Variants in S100Z observed in about 807,000 individuals in gnomAD.
S100Z encodes S100 calcium binding protein Z, also known as protein S100-Z.
Under a neutral mutation model 8.5 loss-of-function variants are expected in S100Z, and 11 were observed. The ratio of observed to expected loss-of-function variants is 1.30; its 90% CI spans 0.82 to 2.15. The LOEUF (loss-of-function observed/expected upper bound fraction) is 2.15, where lower values mean the gene tolerates loss of function less well. S100Z is among the 30% of genes most tolerant of loss of function. The pLI is 0.00. For missense variants in S100Z, 126 were observed against 117.9 expected (o/e 1.07, Z -0.32); for synonymous variants, 34 against 43.8 (o/e 0.78, Z 0.89).
the S100Z span, among the ~76,000 whole-genome samples, chr5:76,939,521 T>TC: frequency 6.6e-6 from 1 of 150,884 alleles, no homozygotes; most frequent in African/African-American, 2.4e-5. Context: ...GTTTAACTTT[T>TC]TTTTTTTTTT....
intron 4 of S100Z, among the ~76,000 whole-genome samples, chr5:76,885,272 T>C (rs531696367): frequency 6.6e-6 from 1 of 151,552 alleles, no homozygotes; most frequent in African/African-American, 2.4e-5. Flanking sequence ...GGTAGAGACA[T>C]GGAGAGAAGG....
chr5:76,875,303 G>C lies in S100Z; in HGVS notation c.-56-1G>C, dbSNP rs1743147471. 1 of 1,526,678 alleles carries C rather than the reference G, an allele frequency of 6.6e-7. No homozygotes were observed. The highest frequency in any genetic ancestry group is 2.1e-5 in the Admixed American group (1 of 48,020). 94.6% of individuals were successfully genotyped at this position (1,526,678 alleles called of 1,614,324 possible). A position where few individuals can be genotyped will look rare whatever the true frequency, so the allele number is the denominator to read the frequency against. On this transcript the variant is annotated splice_acceptor_variant, in intron 2 of 4. Coordinates refer to ENST00000317593, the MANE Select transcript of S100Z (RefSeq NM_130772.4). LOFTEE classifies it low-confidence loss of function (5UTR_SPLICE). ...TTCCTCATCTGTTTATTCTGAACAA[G>C]TGTCTTCTCCCCGGGTTTGGTGGCC...
chr5:76,871,554 G>A (rs1037043381), intron 2 of S100Z, among the ~76,000 whole-genome samples: 6 of 131,448 alleles, frequency 4.6e-5, no homozygotes, highest in African/African-American at 1.8e-4. Flanking sequence ...ACAGAGTGTC[G>A]CTTTATCACC....
At chr5:76,925,309 G>T, downstream of S100Z, among the ~76,000 whole-genome samples, 1 of 152,144 alleles carries the variant, frequency 6.6e-6, no homozygotes, top group East Asian at 1.9e-4. Flanking sequence ...GGGTGTGAAC[G>T]CCAAGAGGCA....
At chr5:76,950,466 C>T in the S100Z span, among the ~76,000 whole-genome samples, 9 of 152,252 alleles carry the variant, frequency 5.9e-5, no homozygotes, top group Non-Finnish European at 8.8e-5. Flanking sequence ...CCACCCTGGC[C>T]TTCAGGCTTA....
At chr5:76,945,830 G>A in the S100Z span, among the ~76,000 whole-genome samples, 1 of 152,234 alleles carries the variant, frequency 6.6e-6, no homozygotes, top group African/African-American at 2.4e-5. Context: ...GTTAAGTGCC[G>A]GTCTCCTGGG....
Position 76,875,518 on chromosome 5 carries a change from A to T in S100Z, c.141+18A>T. The T allele has an allele frequency of 6.3e-7, 1 of 1,595,770 alleles. No homozygotes were observed. The highest frequency in any genetic ancestry group is 8.5e-7 in the Non-Finnish European group (1 of 1,172,478). ...TCCTCTCGGTGAGTCAGGCCTTTGT[A>T]AATGCTGTATTCATTTGAGGGTAGA... On this transcript the variant is annotated intron_variant, in intron 3 of 4. Transcript: ENST00000317593.
At chr5:76,898,688 G>C (rs1744124714) in intron 4 of S100Z, among the ~76,000 whole-genome samples, 1 of 152,022 alleles carries the variant, frequency 6.6e-6, no homozygotes, top group South Asian at 2.1e-4. Context: ...ATGTATTGTT[G>C]AATTTGGTTT....
intron 1 of S100Z, among the ~76,000 whole-genome samples, chr5:76,851,289 G>C (rs527732762): frequency 1.3e-5 from 2 of 152,318 alleles, no homozygotes; most frequent in South Asian, 4.1e-4. Context: ...ATTTAGCCAG[G>C]GGATGGCAGG....
chr5:76,926,406 A>G (rs1392863888), downstream of S100Z, among the ~76,000 whole-genome samples: 3 of 152,142 alleles, frequency 2.0e-5, no homozygotes, highest in Non-Finnish European at 4.4e-5. Context: ...ACATTCAGGT[A>G]ATGGGCTTTG....
At chr5:76,910,121 A>G (rs575538533) in intron 4 of S100Z, among the ~76,000 whole-genome samples, 1 of 152,236 alleles carries the variant, frequency 6.6e-6, no homozygotes, top group Admixed American at 6.5e-5. Flanking sequence ...GGAAAAGCCC[A>G]TGAATTATTC....
rs1021224455 is a variant in S100Z at position 76,921,538 on chromosome 5, T to A, written c.*824T>A. Reference sequence around the variant, plus strand: ...TTTAAAAGTATTCATAATTTTCTGATAATAAAAGTAAGACATGGCATTATG... The same window carrying A: ...TTTAAAAGTATTCATAATTTTCTGAAAATAAAAGTAAGACATGGCATTATG... On this transcript the variant is annotated 3_prime_UTR_variant, in exon 5 of 5. Coordinates refer to ENST00000317593, the MANE Select transcript of S100Z (RefSeq NM_130772.4). The A allele has an allele frequency of 6.6e-6, 1 of 152,198 alleles. No homozygotes were observed. The highest frequency in any genetic ancestry group is 1.5e-5 in the Non-Finnish European group (1 of 68,034). 9.4% of individuals were successfully genotyped at this position (152,198 alleles called of 1,614,324 possible).
the S100Z span, among the ~76,000 whole-genome samples, chr5:76,949,726 C>G: frequency 6.6e-6 from 1 of 152,144 alleles, no homozygotes; most frequent in Non-Finnish European, 1.5e-5. Context: ...AAATACTGTA[C>G]GATTACACTT....
intron 4 of S100Z, among the ~76,000 whole-genome samples, chr5:76,890,140 C>G (rs1230742611): frequency 5.9e-5 from 9 of 152,214 alleles, no homozygotes; most frequent in Non-Finnish European, 1.0e-4. Context: ...TCTCCTGTCT[C>G]AGCCTCCTGA....
chr5:76,860,203 A>G (rs1375584430), intron 1 of S100Z, among the ~76,000 whole-genome samples: 1 of 152,122 alleles, frequency 6.6e-6, no homozygotes, highest in Non-Finnish European at 1.5e-5. Flanking sequence ...GCCAGATGAG[A>G]AGACCGCTCC....
chr5:76,863,826 CTG>C (rs1751166590), intron 1 of S100Z, among the ~76,000 whole-genome samples: 2 of 152,358 alleles, frequency 1.3e-5, no homozygotes, highest in African/African-American at 2.4e-5. Context: ...GTGTGAGCCA[CTG>C]CGCCCGGCCA....
the S100Z span, among the ~76,000 whole-genome samples, chr5:76,950,493 G>C: frequency 1.4e-4 from 21 of 152,164 alleles, no homozygotes; most frequent in African/African-American, 5.1e-4. Context: ...GTGACAATTT[G>C]CTCTGGGGCT....
chr5:76,873,341 A>ATT (rs1554036667), intron 2 of S100Z, among the ~76,000 whole-genome samples: 2 of 149,596 alleles, frequency 1.3e-5, no homozygotes, highest in Non-Finnish European at 3.0e-5. Flanking sequence ...ACGGAGTCTC[A>ATT]CTGTCACCCA....
chr5:76,952,829 C>A, the S100Z span: 1 of 369,826 alleles, frequency 2.7e-6, no homozygotes, highest in Admixed American at 3.7e-5. Context: ...TTCTCCAACA[C>A]TTTAGTGCAC....
Sources: gnomAD v4.1 joint callset for allele counts (sites outside exome capture counted in the v4.1 genomes callset) on GRCh38, gnomAD v4.1.1 for gene constraint, MANE v1.5 for transcripts, NCBI Gene and HGNC (gene_info 2026-07-23, HGNC 2026-07-21) for gene names.